Variants in NUP210L observed in about 807,000 individuals in gnomAD.
NUP210L encodes nuclear pore membrane glycoprotein 210-like.
A neutral mutation model predicts 208.5 loss-of-function variants in NUP210L; 74 were observed. The observed-to-expected ratio is 0.35, with a 90% CI of 0.29 to 0.43. The LOEUF (loss-of-function observed/expected upper bound fraction) is 0.43. Ranked by LOEUF, NUP210L falls within the 20% of genes least tolerant of loss-of-function variation. The probability of loss-of-function intolerance (pLI) is 1.00; values close to 1 mark genes in which losing one functional copy is unlikely to be tolerated. For synonymous variants in NUP210L, 780 were observed against 816.9 expected (o/e 0.95, Z 0.77); for missense variants, 1,843 against 2,289.4 (o/e 0.81, Z 3.98).
At chr1:154,152,019 G>A (rs1187730534) in intron 2 of NUP210L, among the ~76,000 whole-genome samples, 1 of 138,792 alleles carries the variant, frequency 7.2e-6, no homozygotes, top group Non-Finnish European at 1.5e-5. Flanking sequence ...GAACCTGGGA[G>A]ACAGAGGTTA....
chr1:154,072,265 T>C (rs944978425), intron 16 of NUP210L, among the ~76,000 whole-genome samples: 1 of 151,858 alleles, frequency 6.6e-6, no homozygotes, highest in African/African-American at 2.4e-5. Context: ...TGTTCCCTGT[T>C]CACCATATTT....
At chr1:153,994,200 C>T (rs188611721) in intron 38 of NUP210L, among the ~76,000 whole-genome samples, 1 of 152,226 alleles carries the variant, frequency 6.6e-6, no homozygotes, top group East Asian at 1.9e-4. Context: ...CTTGAATTAT[C>T]CCTAACTATG....
chr1:154,139,793 AC>A lies in NUP210L; in HGVS notation c.717+8del, dbSNP rs2148140706. On this transcript the variant is annotated splice_region_variant and intron_variant, in intron 5 of 39. Coordinates refer to ENST00000368559, the Ensembl canonical transcript of NUP210L. ...AGTAAGGAAAATTTATAGCACACAA[AC>A]TTTTTACCTTATAGAATGGTTCATG... 1.9e-6 allele frequency: 3 copies of A among 1,609,344 alleles called. No individual in the cohort carries two copies. The highest frequency in any genetic ancestry group is 4.5e-5 in the East Asian group (2 of 44,830).
intron 27 of NUP210L, among the ~76,000 whole-genome samples, chr1:154,036,697 G>A (rs1269188159): frequency 3.3e-5 from 5 of 151,138 alleles, no homozygotes; most frequent in Admixed American, 6.6e-5. Flanking sequence ...ACAGGGTCTC[G>A]CTTTGTTGCT....
chr1:154,133,844 T>A (rs1411809157), intron 7 of NUP210L, among the ~76,000 whole-genome samples: 2 of 147,972 alleles, frequency 1.4e-5, no homozygotes, highest in East Asian at 4.1e-4. Context: ...TGAGACCCTG[T>A]CTCTACAAAA....
At chr1:154,056,751 C>T in intron 23 of NUP210L, 64 bp downstream of exon 23, 1 of 1,481,964 alleles carries the variant, frequency 6.7e-7, no homozygotes, top group Non-Finnish European at 9.1e-7. Flanking sequence ...TATAAACTAA[C>T]AGAAAAAGAC....
intron 14 of NUP210L, among the ~76,000 whole-genome samples, chr1:154,098,257 G>T (rs1472767211): frequency 6.6e-6 from 1 of 152,230 alleles, no homozygotes; most frequent in African/African-American, 2.4e-5. Flanking sequence ...CCCAAAGTGG[G>T]AGTCACAGCC....
chr1:154,006,973 T>A lies in NUP210L; in HGVS notation c.4930+2999A>T, dbSNP rs1205034311. Reference sequence around the variant, plus strand: ...ATATATATATATATATATATTTTTTTTTTTTTTTTAAATGGAGTTTCGCTC... The same window carrying A: ...ATATATATATATATATATATTTTTTATTTTTTTTTAAATGGAGTTTCGCTC... On this transcript the variant is annotated intron_variant, in intron 35 of 39. Coordinates refer to ENST00000368559, the Ensembl canonical transcript of NUP210L. Among the ~76,000 whole-genome samples the A allele has an allele frequency of 4.9e-4, 69 of 140,508 alleles. 2 individuals are homozygous for A. Among genetic ancestry groups the A allele is most frequent in the South Asian group, 1.4e-3 (6 of 4,412 alleles). The allele number at this position is 140,508 out of a possible 152,430, so 92.2% of individuals were successfully genotyped here.
intron 12 of NUP210L, among the ~76,000 whole-genome samples, chr1:154,114,549 G>A (rs376484784): frequency 6.6e-6 from 1 of 151,986 alleles, no homozygotes; most frequent in African/African-American, 2.4e-5. Context: ...TGCTCCATAG[G>A]TGAATTACGC....
chr1:154,103,942 G>T, intron 13 of NUP210L, 70 bp downstream of exon 13: 2 of 1,199,310 alleles, frequency 1.7e-6, no homozygotes, highest in Non-Finnish European at 1.2e-6. Context: ...AAAGTAATCT[G>T]TCACAGTGGT....
chr1:154,081,976 G>C (rs1655356048), intron 16 of NUP210L, among the ~76,000 whole-genome samples: 1 of 152,138 alleles, frequency 6.6e-6, no homozygotes, highest in Admixed American at 6.6e-5. Context: ...GTGAGACCCT[G>C]TGTCAAAAAA....
chr1:154,084,534 G>T (rs189575765), intron 16 of NUP210L, among the ~76,000 whole-genome samples: 7 of 151,458 alleles, frequency 4.6e-5, no homozygotes, highest in Admixed American at 2.6e-4. Flanking sequence ...TACAGACAAG[G>T]TCTCACTATA....
At chr1:154,135,567 G>A (rs1345998169) in intron 7 of NUP210L, among the ~76,000 whole-genome samples, 4 of 151,802 alleles carry the variant, frequency 2.6e-5, no homozygotes, top group South Asian at 2.1e-4. Flanking sequence ...GACTACAGGC[G>A]CCCGCCACCA....
At chr1:154,049,862 C>T (rs1472423635) in intron 25 of NUP210L, among the ~76,000 whole-genome samples, 1 of 152,094 alleles carries the variant, frequency 6.6e-6, no homozygotes, top group African/African-American at 2.4e-5. Context: ...TTTACAATTC[C>T]TGCAGTAAAC....
chr1:154,066,351 G>A (rs1269586213), intron 17 of NUP210L, among the ~76,000 whole-genome samples: 1 of 152,196 alleles, frequency 6.6e-6, no homozygotes, highest in East Asian at 1.9e-4. Flanking sequence ...GGTGGCTCAC[G>A]CCTGTAATCC....
chr1:153,996,162 T>G (rs909612242), intron 37 of NUP210L, among the ~76,000 whole-genome samples: 13 of 151,924 alleles, frequency 8.6e-5, no homozygotes, highest in South Asian at 2.1e-4. Flanking sequence ...TGTGGTGGCA[T>G]GCACCTGTAG....
At chr1:154,005,144 C>A (rs927325259) in intron 35 of NUP210L, among the ~76,000 whole-genome samples, 3 of 152,102 alleles carry the variant, frequency 2.0e-5, no homozygotes, top group East Asian at 1.9e-4. Flanking sequence ...AGCCACCGTG[C>A]CCGGCCTCCT....
At chr1:154,128,860 A>C (rs972268013) in intron 8 of NUP210L, among the ~76,000 whole-genome samples, 9 of 152,160 alleles carry the variant, frequency 5.9e-5, no homozygotes, top group African/African-American at 1.9e-4. Flanking sequence ...CAAAAACAAA[A>C]ACAAACACAA....
At chr1:154,049,968 T>G (rs1200614111) in intron 25 of NUP210L, among the ~76,000 whole-genome samples, 2 of 152,174 alleles carry the variant, frequency 1.3e-5, no homozygotes, top group African/African-American at 4.8e-5. Context: ...GGCAAGCAAT[T>G]GAACCTACTC....
Sources: gnomAD v4.1 joint callset for allele counts (sites outside exome capture counted in the v4.1 genomes callset) on GRCh38, gnomAD v4.1.1 for gene constraint, MANE v1.5 for transcripts, NCBI Gene and HGNC (gene_info 2026-07-23, HGNC 2026-07-21) for gene names.